DGKB: variants seen among roughly 807,000 people sequenced by gnomAD.
DGKB encodes the protein diacylglycerol kinase beta, also known as 90 kDa diacylglycerol kinase.
DGKB carries 67 observed loss-of-function variants against 114.3 expected under a neutral mutation model. The ratio of observed to expected loss-of-function variants is 0.59; its 90% CI spans 0.48 to 0.72. The LOEUF (loss-of-function observed/expected upper bound fraction) is 0.72, where lower values mean the gene tolerates loss of function less well. Ranked by LOEUF, DGKB falls within the 30% of genes least tolerant of loss-of-function variation. The pLI, the probability that DGKB is intolerant of heterozygous loss-of-function variation, is 0.00. For synonymous variants in DGKB, 398 were observed against 323.1 expected (o/e 1.23, Z -2.49); for missense variants, 907 against 975.2 (o/e 0.93, Z 0.93).
At chr7:14,517,194 CA>C (rs1788950574) in intron 20 of DGKB, among the ~76,000 whole-genome samples, 1 of 152,050 alleles carries the variant, frequency 6.6e-6, no homozygotes, top group African/African-American at 2.4e-5. Flanking sequence ...CTGACAAAAA[CA>C]AGCGATAGGG....
intron 23 of DGKB, among the ~76,000 whole-genome samples, chr7:14,297,639 T>C (rs1802809752): frequency 6.6e-6 from 1 of 152,144 alleles, no homozygotes; most frequent in South Asian, 2.1e-4. Context: ...CTTTGAAAAC[T>C]GGTGCAAGAC....
chr7:14,625,146 G>A (rs1808349362), intron 14 of DGKB, among the ~76,000 whole-genome samples: 1 of 152,118 alleles, frequency 6.6e-6, no homozygotes, highest in South Asian at 2.1e-4. Flanking sequence ...CCATCTGTCT[G>A]TGTATTTTAT....
intron 23 of DGKB, 133 bp from the exon 24 acceptor site, chr7:14,178,284 T>G (rs1782085624): frequency 1.1e-6 from 1 of 945,972 alleles, no homozygotes; most frequent in Admixed American, 2.7e-5. Context: ...AAACTTAAAG[T>G]AATAAAAAGA....
chr7:14,334,913 A>G (rs1810399995), intron 23 of DGKB, among the ~76,000 whole-genome samples: 1 of 152,204 alleles, frequency 6.6e-6, no homozygotes. Flanking sequence ...ATCTATATAT[A>G]ATACATTTAT....
intron 25 of DGKB, among the ~76,000 whole-genome samples, chr7:14,165,728 C>T (rs1023419218): frequency 2.0e-5 from 3 of 152,262 alleles, no homozygotes; most frequent in African/African-American, 7.2e-5. Flanking sequence ...TATTCAACTT[C>T]GAATGGGCCT....
chr7:14,173,438 C>A (rs1056649835), intron 25 of DGKB, among the ~76,000 whole-genome samples: 5 of 152,146 alleles, frequency 3.3e-5, no homozygotes, highest in African/African-American at 1.2e-4. Context: ...TCACTACCCA[C>A]CAACTCCAAA....
chr7:14,943,012 G>A (rs36884), intron 1 of DGKB, among the ~76,000 whole-genome samples: 20,413 of 151,014 alleles, frequency 0.14, 1,696 homozygotes, highest in Non-Finnish European at 0.19. Context: ...TCATACATAC[G>A]TAGAATAATT....
At chr7:14,408,251 A>G (rs1824273136) in intron 21 of DGKB, among the ~76,000 whole-genome samples, 1 of 152,102 alleles carries the variant, frequency 6.6e-6, no homozygotes, top group Non-Finnish European at 1.5e-5. Context: ...TGTCATTAAT[A>G]AACCCTAGGT....
intron 23 of DGKB, among the ~76,000 whole-genome samples, chr7:14,286,109 G>A (rs1487893034): frequency 6.6e-6 from 1 of 152,096 alleles, no homozygotes; most frequent in Non-Finnish European, 1.5e-5. Context: ...ATTAATGCCA[G>A]TGTACAACCA....
chr7:14,919,062 G>GCACACACACACACACACA (rs767285844), intron 1 of DGKB, among the ~76,000 whole-genome samples: 3 of 118,146 alleles, frequency 2.5e-5, no homozygotes, highest in African/African-American at 1.0e-4. Flanking sequence ...TCCACCACAC[G>GCACACACACACACACACA]CACACACACA....
chr7:14,588,031 A>G (rs1239391844), intron 17 of DGKB, among the ~76,000 whole-genome samples: 1 of 152,074 alleles, frequency 6.6e-6, no homozygotes, highest in African/African-American at 2.4e-5. Flanking sequence ...AGAGTAATGC[A>G]TATTAATATG....
intron 2 of DGKB, among the ~76,000 whole-genome samples, chr7:14,835,884 C>T (rs1217050324): frequency 6.6e-6 from 1 of 152,106 alleles, no homozygotes; most frequent in African/African-American, 2.4e-5. Context: ...GCTACTCTGC[C>T]ATAAACAGCA....
intron 25 of DGKB, among the ~76,000 whole-genome samples, chr7:14,151,771 G>A (rs1251840641): frequency 1.3e-5 from 2 of 152,074 alleles, no homozygotes; most frequent in African/African-American, 2.4e-5. Context: ...CCAATTGGTT[G>A]TATTTTCTTC....
chr7:14,351,823 T>G (rs542903228), intron 21 of DGKB, among the ~76,000 whole-genome samples: 1 of 152,300 alleles, frequency 6.6e-6, no homozygotes, highest in Admixed American at 6.5e-5. Context: ...GACCCGAAAT[T>G]CTACACATGT....
rs1477895154 is a variant in DGKB, at chr7:14,411,653, C to A, written c.1836-66262G>T. On this transcript the variant is annotated intron_variant, in intron 21 of 25. Coordinates refer to ENST00000402815, the MANE Select transcript of DGKB (RefSeq NM_001350709.2). ...TCATAACAACCATCTTTCAAGGTGGCTGTAAGATAAACAGTATAATACACA... is the reference window on the plus strand; with the variant it reads ...TCATAACAACCATCTTTCAAGGTGGATGTAAGATAAACAGTATAATACACA... Among the ~76,000 whole-genome samples, 5 of 10,646 alleles carry A rather than the reference C, an allele frequency of 4.7e-4. 1 individual carries two copies. The highest frequency in any genetic ancestry group is 3.3e-3 in the East Asian group (2 of 612). The allele number at this position is 10,646 out of a possible 152,430, so 7.0% of individuals were successfully genotyped here.
chr7:14,929,939 C>G (rs1000585205), intron 1 of DGKB, among the ~76,000 whole-genome samples: 1 of 152,010 alleles, frequency 6.6e-6, no homozygotes, highest in Non-Finnish European at 1.5e-5. Flanking sequence ...CTTTTGCTTA[C>G]AGCAATCCAA....
intron 17 of DGKB, among the ~76,000 whole-genome samples, chr7:14,589,984 T>A (rs904461095): frequency 6.7e-6 from 1 of 148,706 alleles, no homozygotes; most frequent in Non-Finnish European, 1.5e-5. Flanking sequence ...TGAAAACTGG[T>A]AGCACTTGCA....
chr7:14,590,257 G>C (rs1021982568), intron 17 of DGKB, among the ~76,000 whole-genome samples: 14 of 151,418 alleles, frequency 9.2e-5, no homozygotes, highest in African/African-American at 2.9e-4. Flanking sequence ...TTCTCCTTAA[G>C]TCAGCTTTTT....
At chr7:14,780,327 G>T (rs1018292572) in intron 2 of DGKB, among the ~76,000 whole-genome samples, 1 of 152,132 alleles carries the variant, frequency 6.6e-6, no homozygotes, top group Non-Finnish European at 1.5e-5. Context: ...TGGTCTCTGT[G>T]CTTTAGCATC....
Sources: gnomAD v4.1 joint callset for allele counts (sites outside exome capture counted in the v4.1 genomes callset) on GRCh38, gnomAD v4.1.1 for gene constraint, MANE v1.5 for transcripts, NCBI Gene and HGNC (gene_info 2026-07-23, HGNC 2026-07-21) for gene names.